The following UBE2J1 variants were observed in gnomAD, a reference collection of about 807,000 sequenced individuals.
The protein encoded by UBE2J1 is ubiquitin-conjugating enzyme E2 J1.
UBE2J1 carries 17 observed loss-of-function variants against 42.1 expected under a neutral mutation model. The observed-to-expected ratio is 0.40, with a 90% confidence interval of 0.28 to 0.61. The LOEUF is 0.61. UBE2J1 is among the 20% of genes least tolerant of loss of function. The pLI, the probability that UBE2J1 is intolerant of heterozygous loss-of-function variation, is 0.38. For synonymous variants in UBE2J1, 127 were observed against 137.2 expected, an observed-to-expected ratio of 0.93 and a Z score of 0.52; for missense variants, 291 against 389.4, an observed-to-expected ratio of 0.75 and a Z score of 2.13.
At chr6:89,342,488 T>C in intron 2 of UBE2J1, 33 bp from the exon 3 acceptor site, 1 of 1,552,068 alleles carries the variant, frequency 6.4e-7, no homozygotes, top group Non-Finnish European at 8.7e-7. Context: ...AAGGAATTAA[T>C]AATATTGAAA....
chr6:89,337,849 T>C (rs771036324), intron 5 of UBE2J1, among the ~76,000 whole-genome samples: 1 of 152,222 alleles, frequency 6.6e-6, no homozygotes, highest in Non-Finnish European at 1.5e-5. Flanking sequence ...AGGTTTGTAA[T>C]CTTGTGGAAA....
intron 1 of UBE2J1, among the ~76,000 whole-genome samples, chr6:89,345,210 CA>C (rs1342594401): frequency 1.3e-5 from 2 of 152,134 alleles, no homozygotes; most frequent in African/African-American, 4.8e-5. Context: ...TGTGTAGAGG[CA>C]CAGGTTGGAA....
Position 89,338,467 on chromosome 6 carries a change from G to A in UBE2J1, c.314C>T (p.Ser105Leu), listed in dbSNP as rs773680574. ...SGHHPETWQP[S>L]WSIRTALLAI... ...TATAAATTAACACTTACTACTCCAC[G>A]AAGGCTGCCAAGTTTCAGGATGATG... The change falls in exon 4 of 8, where the codon TCG (serine) becomes TTG (leucine). Residue 105 changes from serine to leucine, a missense_variant. Around this residue, in one of 2 missense-constraint regions of UBE2J1, gnomAD observed 115 missense variants for 193.1 expected, o/e 0.60. Coordinates refer to ENST00000435041, the MANE Select transcript of UBE2J1 (RefSeq NM_016021.3). The A allele has an allele frequency of 8.1e-6, 13 of 1,609,474 alleles. No homozygotes were observed. Among genetic ancestry groups the A allele is most frequent in the East Asian group, 4.5e-5 (2 of 44,826 alleles).
chr6:89,329,878 C>A lies in UBE2J1; in HGVS notation c.758G>T (p.Arg253Leu). The change falls in exon 8 of 8, where the codon CGA (arginine) becomes CTA (leucine). Residue 253 changes from arginine (R) to leucine (L), a missense_variant. Transcript: ENST00000435041. ...PVAKNTSMSP[R>L]QRRAQQQSQR... ...ACTCTGCTGCTGGGCCCGGCGCTGT[C>A]GAGGGCTCATGGAGGTATTCTTAGC... 6.2e-7 allele frequency: 1 copy of A among 1,613,914 alleles called. No individual in the cohort carries two copies. The highest frequency in any genetic ancestry group is 8.5e-7 in the Non-Finnish European group (1 of 1,179,974).
Position 89,335,445 on chromosome 6 carries a change from A to G in UBE2J1, c.429-14T>C, listed in dbSNP as rs1216107293. 1 of 1,537,504 alleles carries G rather than the reference A, an allele frequency of 6.5e-7. No individual in the cohort carries two copies. The highest frequency in any genetic ancestry group is 8.8e-7 in the Non-Finnish European group (1 of 1,136,168). On this transcript the variant is annotated splice_polypyrimidine_tract_variant and intron_variant, in intron 5 of 7. Transcript: ENST00000435041. ...AAATCTTGTGATCTAGTAGAAAAAGATTTTTTAAATGAAAATAAATAGTTA... is the reference window on the plus strand; with the variant it reads ...AAATCTTGTGATCTAGTAGAAAAAGGTTTTTTAAATGAAAATAAATAGTTA...
chr6:89,351,112 C>T (rs1274505039), intron 1 of UBE2J1, among the ~76,000 whole-genome samples: 2 of 107,718 alleles, frequency 1.9e-5, no homozygotes, highest in African/African-American at 3.7e-5. Flanking sequence ...GATGGAGTCT[C>T]GCTCTGTCGC....
At chr6:89,338,653 GTTTGTTTTTTT>G (rs1768159219) in intron 3 of UBE2J1, 110 bp from the exon 4 acceptor site, 1 of 120,568 alleles carries the variant, frequency 8.3e-6, no homozygotes, top group Non-Finnish European at 1.6e-5. Context: ...ATCTTAAAAA[GTTTGTTTTTTT>G]TTTTTTTTTT....
chr6:89,337,097 T>G (rs751268777), intron 5 of UBE2J1, among the ~76,000 whole-genome samples: 2 of 152,152 alleles, frequency 1.3e-5, no homozygotes, highest in African/African-American at 2.4e-5. Flanking sequence ...TGTCTTGGCC[T>G]GCCAAAGAGC....
Position 89,338,217 on chromosome 6 carries a change from G to A in UBE2J1, c.416C>T (p.Ala139Val), listed in dbSNP as rs764817698. 1.1e-5 allele frequency: 17 copies of A among 1,611,142 alleles called. No homozygotes were observed. The South Asian group carries it at 1.9e-4, about 18-fold the overall frequency. Reference sequence around the variant, plus strand: ...ATGCAAAACTTACTTTTTGGCAAGTGCTCTTCTTTCCTCAGGAGTGTAATC... The same window carrying A: ...ATGCAAAACTTACTTTTTGGCAAGTACTCTTCTTTCCTCAGGAGTGTAATC... ...SLDYTPEERR[A>V]LAKKSQDFCC... The change falls in exon 5 of 8, where the codon GCA becomes GTA. Residue 139 changes from alanine to valine, a missense_variant. Coordinates refer to ENST00000435041, the MANE Select transcript of UBE2J1 (RefSeq NM_016021.3).
chr6:89,335,282 T>G lies in UBE2J1; in HGVS notation c.558+20A>C. 6.5e-7 allele frequency: 1 copy of G among 1,538,832 alleles called. No homozygotes were observed. Among genetic ancestry groups the G allele is most frequent in the Non-Finnish European group, 8.8e-7 (1 of 1,138,236 alleles). On this transcript the variant is annotated intron_variant, in intron 6 of 7. Coordinates refer to ENST00000435041, the MANE Select transcript of UBE2J1 (RefSeq NM_016021.3). ...ACAAAAGGGTTGCAAGATTAGCATT[T>G]ATTTAAGAATTTATAGTACCTTAAA...
chr6:89,342,519 A>T, intron 2 of UBE2J1, 64 bp from the exon 3 acceptor site: 1 of 1,421,684 alleles, frequency 7.0e-7, no homozygotes, highest in Non-Finnish European at 9.5e-7. Flanking sequence ...TTTTATCTGA[A>T]TATTAGAAAT....
intron 1 of UBE2J1, among the ~76,000 whole-genome samples, chr6:89,350,908 G>A (rs570598283): frequency 1.1e-4 from 16 of 151,898 alleles, no homozygotes; most frequent in Admixed American, 4.6e-4. Context: ...CTAAGGAACC[G>A]TGTGACCAGG....
At chr6:89,334,914 T>C (rs948568584) in intron 6 of UBE2J1, among the ~76,000 whole-genome samples, 3 of 152,220 alleles carry the variant, frequency 2.0e-5, no homozygotes, top group African/African-American at 7.2e-5. Context: ...ACCATTATTA[T>C]TTATAGATAA....
intron 3 of UBE2J1, among the ~76,000 whole-genome samples, chr6:89,342,056 A>T (rs1160485139): frequency 6.6e-6 from 1 of 152,190 alleles, no homozygotes; most frequent in Non-Finnish European, 1.5e-5. Flanking sequence ...CCAGATGTGT[A>T]TGCCCAGCAC....
intron 7 of UBE2J1, among the ~76,000 whole-genome samples, chr6:89,332,148 C>T (rs1414480788): frequency 6.6e-6 from 1 of 152,098 alleles, no homozygotes; most frequent in Non-Finnish European, 1.5e-5. Context: ...TCTATATTTG[C>T]CCAACTTCTA....
rs1768512353 is a variant in UBE2J1, at chr6:89,352,700, C to G, written c.-131G>C. The G allele has an allele frequency of 9.9e-7, 1 of 1,008,822 alleles. No homozygotes were observed. 62.5% of individuals were successfully genotyped at this position (1,008,822 alleles called of 1,614,324 possible). ...GGAGCCTCGGCAAATGCCGCCCAGT[C>G]CAGCCTGGACTGCGGGCGGGGTGGC... On this transcript the variant is annotated 5_prime_UTR_variant, in exon 1 of 8. Transcript: ENST00000435041.
rs1257845364 is a variant in UBE2J1, at chr6:89,352,570, GGT to G, written c.-3_-2del. The G allele has an allele frequency of 6.4e-7, 1 of 1,569,100 alleles. No individual in the cohort carries two copies. Among genetic ancestry groups the G allele is most frequent in the Non-Finnish European group, 8.6e-7 (1 of 1,164,434 alleles). On this transcript the variant is annotated 5_prime_UTR_variant, in exon 1 of 8. Transcript: ENST00000435041. ...TCTTCAGGTTGTAGCGGGTCTCCAT[GGT>G]GGGTCGCTGGCTTGGCTCCGGCCTC... is the stretch of plus-strand genomic sequence containing the variant.
intron 7 of UBE2J1, among the ~76,000 whole-genome samples, chr6:89,330,348 G>GCGGACCC: frequency 6.6e-6 from 1 of 151,950 alleles, no homozygotes; most frequent in East Asian, 1.9e-4. Context: ...ATGGGATCTT[G>GCGGACCC]TTACATTGCC....
chr6:89,340,494 C>A (rs1438737210), intron 3 of UBE2J1, among the ~76,000 whole-genome samples: 1 of 152,194 alleles, frequency 6.6e-6, no homozygotes, highest in Admixed American at 6.5e-5. Context: ...AACTCTACTG[C>A]CAGCATTAGC....
Sources: gnomAD v4.1 joint callset for allele counts (sites outside exome capture counted in the v4.1 genomes callset) on GRCh38, gnomAD v4.1.1 for gene constraint, gnomAD v4.1.1 regional missense constraint, MANE v1.5 for transcripts, NCBI Gene and HGNC (gene_info 2026-07-23, HGNC 2026-07-21) for gene names.